ROBO2: variants seen among roughly 807,000 people sequenced by gnomAD.
ROBO2 encodes roundabout homolog 2.
A neutral mutation model predicts 160.8 loss-of-function variants in ROBO2; 53 were observed. The ratio of observed to expected loss-of-function variants is 0.33; its 90% CI spans 0.26 to 0.41. The LOEUF (loss-of-function observed/expected upper bound fraction) is 0.41. ROBO2 is among the 10% of genes least tolerant of loss of function. The pLI, the probability that ROBO2 is intolerant of heterozygous loss-of-function variation, is 1.00. For missense variants in ROBO2, 1,577 were observed against 1,722.4 expected, an observed-to-expected ratio of 0.92 and a Z score of 1.49; for synonymous variants, 664 against 611.7, an observed-to-expected ratio of 1.09 and a Z score of -1.26.
At chr3:76,403,293 C>A (rs9841240) in intron 2 of ROBO2, among the ~76,000 whole-genome samples, 9,444 of 151,576 alleles carry the variant, frequency 0.062, 848 homozygotes, top group African/African-American at 0.2. Context: ...CAATGAGTCT[C>A]TTTTTAATTT....
intron 2 of ROBO2, among the ~76,000 whole-genome samples, chr3:76,090,056 AAC>A (rs752452362): frequency 6.6e-6 from 1 of 152,304 alleles, no homozygotes; most frequent in Middle Eastern, 3.4e-3. Flanking sequence ...TGAAATTACA[AAC>A]ACACTAACAT....
chr3:77,412,035 T>C lies in ROBO2; in HGVS notation c.389-65379T>C, dbSNP rs189708275. Among the ~76,000 whole-genome samples, 689 of 152,324 alleles carry C rather than the reference T, an allele frequency of 4.5e-3. 4 individuals carry two copies. The highest frequency in any genetic ancestry group is 0.015 in the African/African-American group (631 of 41,574). ...AAATTCATATTAATGTGTAGGTGAC[T>C]CATAGCCTCAGACCTTCCAGGCGTG... On this transcript the variant is annotated intron_variant, in intron 2 of 25. Coordinates refer to ENST00000461745, the Ensembl canonical transcript of ROBO2.
intron 2 of ROBO2, among the ~76,000 whole-genome samples, chr3:76,406,965 C>T (rs1463054845): frequency 6.6e-6 from 1 of 151,046 alleles, no homozygotes; most frequent in Non-Finnish European, 1.5e-5. Context: ...GCCTACAAAA[C>T]CCCACATAAA....
intron 2 of ROBO2, among the ~76,000 whole-genome samples, chr3:76,306,230 A>G (rs544901742): frequency 6.6e-6 from 1 of 152,332 alleles, no homozygotes; most frequent in South Asian, 2.1e-4. Flanking sequence ...AAACAACAAC[A>G]TATTGATATA....
At chr3:76,108,174 C>T (rs183938766) in intron 2 of ROBO2, among the ~76,000 whole-genome samples, 139 of 152,038 alleles carry the variant, frequency 9.1e-4, no homozygotes, top group Non-Finnish European at 1.6e-3. Flanking sequence ...TTCGGAACTG[C>T]GATGCTAATC....
chr3:76,220,498 C>T lies in ROBO2; in HGVS notation c.109+282896C>T, dbSNP rs897023711. ...AGTGAGGCTGCTTTTGTCTTTCTGC[C>T]CTTCCGCCTTGTGACGATGCAGCAA... On this transcript the variant is annotated intron_variant, in intron 2 of 26. Coordinates refer to the ROBO2 transcript ENST00000487694. 6.6e-5 allele frequency among the ~76,000 whole-genome samples: 10 copies of T among 151,992 alleles called. 1 individual carries two copies.
intron 2 of ROBO2, among the ~76,000 whole-genome samples, chr3:76,376,584 T>A (rs765180910): frequency 6.6e-6 from 1 of 152,086 alleles, no homozygotes; most frequent in Non-Finnish European, 1.5e-5. Flanking sequence ...AAATATGAGC[T>A]CACTGCCCAC....
intron 2 of ROBO2, among the ~76,000 whole-genome samples, chr3:76,585,843 C>T (rs1294481031): frequency 1.3e-5 from 2 of 152,134 alleles, no homozygotes; most frequent in East Asian, 3.9e-4. Context: ...TCTGTATGTA[C>T]ATGCGTATAC....
intron 2 of ROBO2, among the ~76,000 whole-genome samples, chr3:76,156,061 T>C (rs1383534443): frequency 6.6e-6 from 1 of 152,036 alleles, no homozygotes; most frequent in South Asian, 2.1e-4. Flanking sequence ...ATTCTAAATT[T>C]CAGATCTATC....
At chr3:76,100,198 A>C (rs1347534071) in intron 2 of ROBO2, among the ~76,000 whole-genome samples, 1 of 152,196 alleles carries the variant, frequency 6.6e-6, no homozygotes, top group Non-Finnish European at 1.5e-5. Context: ...TACTGACTGA[A>C]GGGATTGTGC....
chr3:77,549,939 C>A (rs1205695471), intron 7 of ROBO2, among the ~76,000 whole-genome samples: 1 of 151,860 alleles, frequency 6.6e-6, no homozygotes, highest in African/African-American at 2.4e-5. Context: ...AAATTGATAT[C>A]TCCTTATTTA....
chr3:76,938,601 T>A (rs1224779832), intron 2 of ROBO2, among the ~76,000 whole-genome samples: 1 of 152,110 alleles, frequency 6.6e-6, no homozygotes, highest in East Asian at 1.9e-4. Flanking sequence ...CACAGGTGGC[T>A]AGCCAGCTGC....
At chr3:76,709,432 C>T (rs1293724383) in intron 2 of ROBO2, among the ~76,000 whole-genome samples, 1 of 152,164 alleles carries the variant, frequency 6.6e-6, no homozygotes, top group Non-Finnish European at 1.5e-5. Flanking sequence ...TGTTCATCTC[C>T]TTTCATCAGG....
chr3:77,370,670 G>T (rs559626756), intron 2 of ROBO2, among the ~76,000 whole-genome samples: 2 of 152,216 alleles, frequency 1.3e-5, no homozygotes, highest in Admixed American at 1.3e-4. Context: ...GCTAAGAATG[G>T]TTTTTCCGGT....
intron 2 of ROBO2, among the ~76,000 whole-genome samples, chr3:77,377,878 G>A (rs542282616): frequency 6.6e-6 from 1 of 152,244 alleles, no homozygotes; most frequent in African/African-American, 2.4e-5. Context: ...CTTCAGCCTG[G>A]CGGCCAAACA....
intron 2 of ROBO2, among the ~76,000 whole-genome samples, chr3:76,470,994 G>A (rs971540623): frequency 2.0e-5 from 3 of 148,394 alleles, no homozygotes; most frequent in Non-Finnish European, 4.4e-5. Flanking sequence ...TCTACAAGAT[G>A]TTTTGTATTT....
chr3:76,289,317 T>A (rs1380563958), intron 2 of ROBO2, among the ~76,000 whole-genome samples: 1 of 152,222 alleles, frequency 6.6e-6, no homozygotes, highest in Non-Finnish European at 1.5e-5. Context: ...TCTGTTTACA[T>A]CTTTTACTCA....
chr3:77,579,813 T>C, intron 15 of ROBO2, 134 bp from the exon 17 acceptor site: 1 of 761,774 alleles, frequency 1.3e-6, no homozygotes, highest in Non-Finnish European at 2.2e-6. Flanking sequence ...CTTTAGAAGA[T>C]GTCATTTGCA....
intron 2 of ROBO2, among the ~76,000 whole-genome samples, chr3:77,221,457 G>A (rs1170023128): frequency 1.3e-5 from 2 of 152,154 alleles, no homozygotes; most frequent in African/African-American, 4.8e-5. Context: ...AGGAAGCAGA[G>A]GCTAATATTG....
Sources: gnomAD v4.1 joint callset for allele counts (sites outside exome capture counted in the v4.1 genomes callset) on GRCh38, gnomAD v4.1.1 for gene constraint, MANE v1.5 for transcripts, NCBI Gene and HGNC (gene_info 2026-07-23, HGNC 2026-07-21) for gene names.